CCDC91: variants seen among roughly 807,000 people sequenced by gnomAD.
CCDC91 encodes coiled-coil domain containing 91, also known as coiled-coil domain-containing protein 91.
A neutral mutation model predicts 63.2 loss-of-function variants in CCDC91; 48 were observed. That is an observed-to-expected ratio of 0.76 (90% confidence interval 0.60 to 0.97). The LOEUF (loss-of-function observed/expected upper bound fraction) is 0.97, where lower values mean the gene tolerates loss of function less well. CCDC91 is among the 50% of genes least tolerant of loss of function. The probability of loss-of-function intolerance (pLI) is 0.00; values close to 1 mark genes in which losing one functional copy is unlikely to be tolerated. For synonymous variants in CCDC91, 167 were observed against 165.8 expected (o/e 1.01, Z -0.06); for missense variants, 500 against 494.6 (o/e 1.01, Z -0.10).
At chr12:28,288,654 G>A (rs1949046862) in intron 3 of CCDC91, among the ~76,000 whole-genome samples, 1 of 152,112 alleles carries the variant, frequency 6.6e-6, no homozygotes, top group African/African-American at 2.4e-5. Flanking sequence ...ATTTTTCGTT[G>A]TATATCTGAA....
chr12:28,402,587 C>CAA (rs34654808), intron 8 of CCDC91, among the ~76,000 whole-genome samples: 1,480 of 99,288 alleles, frequency 0.015, 17 homozygotes, highest in Middle Eastern at 0.055. Context: ...ATGTCATCTG[C>CAA]AAAAAAAAAA....
rs562301691 is a variant in CCDC91, at chr12:28,377,927, T to C, written c.655-13377T>C. The stretch of plus-strand genomic sequence containing the variant: ...AGTACTTATAAATACTTTACCATCT[T>C]AATGAGAAAGTAAGGAATGAGGAGA... On this transcript the variant is annotated intron_variant, in intron 7 of 12. Coordinates refer to ENST00000536442, the MANE Select transcript of CCDC91 (RefSeq NM_018318.5). 2.0e-5 allele frequency among the ~76,000 whole-genome samples: 3 copies of C among 152,144 alleles called. No homozygotes were observed. The South Asian group carries it at 6.2e-4, about 32-fold the overall frequency.
At chr12:28,367,822 G>A (rs1944371152) in intron 7 of CCDC91, among the ~76,000 whole-genome samples, 1 of 151,872 alleles carries the variant, frequency 6.6e-6, no homozygotes, top group Admixed American at 6.6e-5. Flanking sequence ...TTACATCTGT[G>A]AACTTTGAAT....
intron 6 of CCDC91, among the ~76,000 whole-genome samples, chr12:28,351,324 GAAATAA>G (rs1943166090): frequency 6.6e-6 from 1 of 152,164 alleles, no homozygotes. Flanking sequence ...GAAAATTGGA[GAAATAA>G]AGGAATCACC....
intron 1 of CCDC91, chr12:28,198,812 T>G (rs59989732): frequency 8.1e-6 from 1 of 124,030 alleles, no homozygotes; most frequent in East Asian, 2.5e-4. Flanking sequence ...CTATTTTTTC[T>G]GTATATCAAG....
At chr12:28,194,033 G>C (rs1197236443) in intron 1 of CCDC91, among the ~76,000 whole-genome samples, 7 of 152,204 alleles carry the variant, frequency 4.6e-5, no homozygotes, top group Non-Finnish European at 1.0e-4. Flanking sequence ...TCAAAGAGCA[G>C]AAGTTTTAAA....
At chr12:28,325,120 G>T (rs182852580) in intron 6 of CCDC91, among the ~76,000 whole-genome samples, 2 of 152,026 alleles carry the variant, frequency 1.3e-5, no homozygotes, top group East Asian at 3.9e-4. Context: ...CAGCAGCTCT[G>T]AAATGTTTTT....
At chr12:28,455,335 A>G (rs1393979852) in intron 11 of CCDC91, among the ~76,000 whole-genome samples, 1 of 152,158 alleles carries the variant, frequency 6.6e-6, no homozygotes, top group Non-Finnish European at 1.5e-5. Flanking sequence ...AAGTCCCATG[A>G]GCTTAATTAA....
intron 12 of CCDC91, among the ~76,000 whole-genome samples, chr12:28,528,350 T>C (rs944422290): frequency 1.3e-5 from 2 of 152,144 alleles, no homozygotes; most frequent in Non-Finnish European, 2.9e-5. Flanking sequence ...CTAAATTGAC[T>C]CAGTTCCAGT....
chr12:28,261,464 T>TCTCC (rs1946818165), intron 3 of CCDC91, among the ~76,000 whole-genome samples: 1 of 151,736 alleles, frequency 6.6e-6, no homozygotes, highest in Non-Finnish European at 1.5e-5. Flanking sequence ...AACACAGAAA[T>TCTCC]TAGAAGTAGA....
At chr12:28,267,360 G>A (rs941948161) in intron 3 of CCDC91, among the ~76,000 whole-genome samples, 2 of 151,124 alleles carry the variant, frequency 1.3e-5, no homozygotes, top group African/African-American at 4.9e-5. Flanking sequence ...ATTCATTTTA[G>A]TGGTCGCATA....
chr12:28,205,231 T>C (rs1281051849), intron 1 of CCDC91, among the ~76,000 whole-genome samples: 1 of 151,828 alleles, frequency 6.6e-6, no homozygotes, highest in Non-Finnish European at 1.5e-5. Context: ...CGAATGAAGG[T>C]GTGCTTCAGA....
chr12:28,414,144 C>T (rs1947493820), intron 8 of CCDC91, among the ~76,000 whole-genome samples: 1 of 152,166 alleles, frequency 6.6e-6, no homozygotes, highest in South Asian at 2.1e-4. Flanking sequence ...ACCTTTAATA[C>T]ATCAAAACTC....
intron 11 of CCDC91, among the ~76,000 whole-genome samples, chr12:28,479,357 A>G (rs1180632902): frequency 6.6e-6 from 1 of 152,030 alleles, no homozygotes; most frequent in Non-Finnish European, 1.5e-5. Flanking sequence ...GCAAACTATC[A>G]CAAGGACAGA....
chr12:28,316,556 C>CTTTTTTTTTTTTTTTTTTTTTTTTTT, intron 6 of CCDC91, among the ~76,000 whole-genome samples: 1 of 28,484 alleles, frequency 3.5e-5, no homozygotes, highest in Non-Finnish European at 6.5e-5. Flanking sequence ...CAACTCACAC[C>CTTTTTTTTTTTTTTTTTTTTTTTTTT]TTTTTTTTTT....
intron 1 of CCDC91, among the ~76,000 whole-genome samples, chr12:28,223,051 T>C (rs1004318856): frequency 1.6e-4 from 24 of 152,188 alleles, no homozygotes; most frequent in Admixed American, 2.0e-4. Context: ...TTCGCCAGCC[T>C]ATCCAAGGGT....
chr12:28,480,038 T>A (rs1380531393), intron 11 of CCDC91, among the ~76,000 whole-genome samples: 1 of 151,928 alleles, frequency 6.6e-6, no homozygotes, highest in Admixed American at 6.6e-5. Flanking sequence ...GCCTTCAGGG[T>A]CCCCACTACC....
chr12:28,267,963 A>G (rs1300296253), intron 3 of CCDC91, among the ~76,000 whole-genome samples: 1 of 111,908 alleles, frequency 8.9e-6, no homozygotes, highest in Non-Finnish European at 1.7e-5. Context: ...ATATAATTAT[A>G]TATAATTAAT....
rs151012466 is a variant in CCDC91, at chr12:28,326,910, A to G, written c.576+19161A>G. ...AGCAATGAAGGTTTTATTCGATGCA[A>G]TAGAATTGAAAAGCAGGAGGTTGGC... is the stretch of plus-strand genomic sequence containing the variant. On this transcript the variant is annotated intron_variant, in intron 6 of 12. Transcript: ENST00000536442. Among the ~76,000 whole-genome samples the G allele has an allele frequency of 2.6e-5, 4 of 152,234 alleles. No homozygotes were observed. The East Asian group carries it at 7.8e-4, about 30-fold the overall frequency.
Sources: allele counts gnomAD v4.1 joint callset (sites outside exome capture counted in the v4.1 genomes callset), GRCh38; gene constraint gnomAD v4.1.1; transcripts MANE v1.5; gene names NCBI Gene and HGNC (gene_info 2026-07-23, HGNC 2026-07-21).